The following SH3D21 variants were observed in gnomAD, a reference collection of about 807,000 sequenced individuals.
SH3D21 encodes manchette microtubule inner protein 1.
Under a neutral mutation model 82.1 loss-of-function variants are expected in SH3D21, and 83 were observed. The ratio of observed to expected loss-of-function variants is 1.01; its 90% confidence interval spans 0.85 to 1.21. The LOEUF is 1.21. SH3D21 is among the 50% of genes most tolerant of loss of function. The pLI, the probability that SH3D21 is intolerant of heterozygous loss-of-function variation, is 0.00. For missense variants in SH3D21, 980 were observed against 962.1 expected (o/e 1.02, Z -0.25); for synonymous variants, 383 against 387.8 (o/e 0.99, Z 0.15).
At chr1:36,326,722 C>A (rs577890984), downstream of SH3D21, among the ~76,000 whole-genome samples, 3 of 152,076 alleles carry the variant, frequency 2.0e-5, no homozygotes, top group Non-Finnish European at 4.4e-5. Flanking sequence ...AGGGCGGGGC[C>A]GGTGGAGAGG....
downstream of SH3D21, chr1:36,327,845 C>T: frequency 1.6e-6 from 2 of 1,289,356 alleles, no homozygotes; most frequent in Non-Finnish European, 2.0e-6. Flanking sequence ...TGTGGCTGTC[C>T]CCATGGTCCA....
At chr1:36,321,548 C>A, downstream of SH3D21, 2 of 717,750 alleles carry the variant, frequency 2.8e-6, no homozygotes, top group Non-Finnish European at 3.7e-6. The surrounding 1 kb of genome is among the most constrained non-coding windows in gnomAD (Gnocchi z 6.1). Context: ...CCAGCTCGGA[C>A]CCCTCCCAGC....
chr1:36,318,806 G>T (rs1646387735), intron 10 of SH3D21, among the ~76,000 whole-genome samples: 1 of 151,904 alleles, frequency 6.6e-6, no homozygotes, highest in African/African-American at 2.4e-5. Context: ...CTATTCGGGA[G>T]GCTGAGGCAG....
At chr1:36,322,291 C>A (rs1193719188), downstream of SH3D21, 1 of 1,506,428 alleles carries the variant, frequency 6.6e-7, no homozygotes, top group Non-Finnish European at 8.8e-7. Context: ...GGAGCCGGGG[C>A]CCATCAGTAA....
At chr1:36,315,156 A>T in intron 10 of SH3D21, among the ~76,000 whole-genome samples, 1 of 151,972 alleles carries the variant, frequency 6.6e-6, no homozygotes, top group Non-Finnish European at 1.5e-5. Context: ...GGCACCTGTC[A>T]TCCCAACTAT....
downstream of SH3D21, chr1:36,322,664 G>A (rs1333302348): frequency 1.3e-6 from 2 of 1,547,412 alleles, no homozygotes; most frequent in Admixed American, 2.0e-5. Context: ...GCAGGCAGAG[G>A]GTGAGCAGCA....
chr1:36,310,189 C>T (rs891229544), intron 10 of SH3D21, among the ~76,000 whole-genome samples: 3 of 152,084 alleles, frequency 2.0e-5, no homozygotes, highest in African/African-American at 4.8e-5. Flanking sequence ...CTCCTGACCT[C>T]GTGATCCACC....
chr1:36,319,216 C>G (rs1192530936), intron 11 of SH3D21, 44 bp from the exon 12 acceptor site: 2 of 1,551,158 alleles, frequency 1.3e-6, no homozygotes, highest in Non-Finnish European at 8.7e-7. Flanking sequence ...GGCAACGCCC[C>G]TCCCTGTGCC....
chr1:36,319,252 T>G lies in SH3D21; in HGVS notation c.864-8T>G. 6.4e-7 allele frequency: 1 copy of G among 1,551,542 alleles called. No homozygotes were observed. The highest frequency in any genetic ancestry group is 2.4e-5 in the East Asian group (1 of 40,912). On this transcript the variant is annotated splice_polypyrimidine_tract_variant and splice_region_variant and intron_variant, in intron 11 of 15. Transcript: ENST00000453908. ...CCACCCTGAGGGCCTGATGAAGATA[T>G]GTTCCAGGACATCTCGGACACCCAG...
chr1:36,310,537 C>G (rs1008057946), intron 10 of SH3D21, among the ~76,000 whole-genome samples: 3 of 151,788 alleles, frequency 2.0e-5, no homozygotes, highest in Non-Finnish European at 4.4e-5. Flanking sequence ...ATCACTTGAA[C>G]CAGGGAGGGG....
At chr1:36,311,635 A>T (rs909709301) in intron 10 of SH3D21, among the ~76,000 whole-genome samples, 2 of 152,186 alleles carry the variant, frequency 1.3e-5, no homozygotes, top group African/African-American at 4.8e-5. Flanking sequence ...CCCTATGGAC[A>T]ATGAGTTGTT....
intron 10 of SH3D21, among the ~76,000 whole-genome samples, chr1:36,313,363 A>C (rs559470955): frequency 4.7e-5 from 7 of 150,442 alleles, no homozygotes; most frequent in Non-Finnish European, 7.4e-5. Flanking sequence ...ATAAGATGGG[A>C]ATCATCTTTC....
downstream of SH3D21, among the ~76,000 whole-genome samples, chr1:36,327,542 C>G (rs151128906): frequency 7.4e-4 from 112 of 152,318 alleles, 2 homozygotes; most frequent in East Asian, 0.013. Context: ...CTACGCAGCT[C>G]TCTGTATCTC....
In SH3D21 at chr1:36,320,602, C is replaced by A; in HGVS notation, c.1939C>A (p.Pro647Thr). 1 of 1,614,176 alleles carries A rather than the reference C, an allele frequency of 6.2e-7. No individual in the cohort carries two copies. Among genetic ancestry groups the A allele is most frequent in the East Asian group, 2.2e-5 (1 of 44,882 alleles). Residue 647 changes from proline (P) to threonine (T), a missense_variant, in exon 14 of 16, where the codon CCC becomes ACC. Pro to Thr is a conservative substitution (Grantham distance 38). Coordinates refer to ENST00000453908, the MANE Select transcript of SH3D21 (RefSeq NM_001162530.2). The part of the protein sequence containing the change: ...KEEVAPKEEV[P>T]PIERAFAQKT... Reference sequence around the variant, plus strand: ...GGAAGTGGCTCCAAAAGAGGAGGTGCCCCCCATAGAAAGAGCCTTTGCCCA... The same window carrying A: ...GGAAGTGGCTCCAAAAGAGGAGGTGACCCCCATAGAAAGAGCCTTTGCCCA...
At chr1:36,327,930 G>T (rs967068920), downstream of SH3D21, 2 of 1,229,004 alleles carry the variant, frequency 1.6e-6, no homozygotes. Context: ...CCGTGGGTCA[G>T]CCCAGCCACC....
chr1:36,316,692 G>A (rs937702782), intron 10 of SH3D21, among the ~76,000 whole-genome samples: 3 of 152,130 alleles, frequency 2.0e-5, no homozygotes, highest in Non-Finnish European at 4.4e-5. Flanking sequence ...TCACATCACA[G>A]GGCCCAGGCT....
chr1:36,312,560 A>T lies in SH3D21; in HGVS notation c.769+2970A>T, dbSNP rs1420139486. Among the ~76,000 whole-genome samples the T allele has an allele frequency of 2.0e-5, 3 of 152,304 alleles. No individual in the cohort carries two copies. The East Asian group carries it at 5.8e-4, about 29-fold the overall frequency. On this transcript the variant is annotated intron_variant, in intron 10 of 15. Coordinates refer to ENST00000453908, the MANE Select transcript of SH3D21 (RefSeq NM_001162530.2). ...GACAGACATATCATTTGTGAATAATAATTTTTGTGTCATTCTCTTCACTCC... is the reference window on the plus strand; with the variant it reads ...GACAGACATATCATTTGTGAATAATTATTTTTGTGTCATTCTCTTCACTCC...
Position 36,307,129 on chromosome 1 carries a change from C to A in SH3D21, c.227-38C>A. 1 of 1,549,752 alleles carries A rather than the reference C, an allele frequency of 6.5e-7. No homozygotes were observed. The highest frequency in any genetic ancestry group is 1.2e-5 in the South Asian group (1 of 83,590). On this transcript the variant is annotated intron_variant, in intron 3 of 15. Coordinates refer to ENST00000453908, the MANE Select transcript of SH3D21 (RefSeq NM_001162530.2). This position sits in a 1 kb window ranked among gnomAD's most constrained non-coding sequence, Gnocchi z 5.4. ...CTTCCCCCAGCTCCTCTGACTGGGG[C>A]GTCCGACTGGAGCTCAGCCGCGCTT...
At position 36,319,481 on chromosome 1, in the gene SH3D21, C is replaced by T. The variant is rs1258714686; in HGVS notation, c.956C>T (p.Pro319Leu). ...GGFQSGGSYH[P>L]GRKRSKTQTP... is the part of the protein sequence containing the mutation. ...TTCCAAAGTGGGGGTTCGTATCACC[C>T]TGGCCGAAAGCGATCCAAAACCCAG... is the stretch of plus-strand genomic sequence containing the variant. Residue 319 changes from proline (P) to leucine (L), a missense_variant, in exon 13 of 16, where the codon CCT (proline) becomes CTT (leucine). By Grantham distance (98) the Pro-to-Leu change is moderately conservative. Transcript: ENST00000453908. 4 of 1,551,586 alleles carry T rather than the reference C, an allele frequency of 2.6e-6. No individual in the cohort carries two copies. The African/African-American group carries it at 5.5e-5, about 21-fold the overall frequency.
Sources: allele counts gnomAD v4.1 joint callset (sites outside exome capture counted in the v4.1 genomes callset), GRCh38; gene constraint gnomAD v4.1.1; non-coding constraint Gnocchi (gnomAD v3.1); transcripts MANE v1.5; gene names NCBI Gene and HGNC (gene_info 2026-07-23, HGNC 2026-07-21).